Variants in PPP1R12A observed in about 807,000 individuals in gnomAD.
PPP1R12A encodes the protein protein phosphatase 1 regulatory subunit 12A.
A neutral mutation model predicts 139.6 loss-of-function variants in PPP1R12A; 19 were observed. The observed-to-expected ratio is 0.14, with a 90% confidence interval of 0.09 to 0.20. The LOEUF is 0.20. Ranked by LOEUF, PPP1R12A falls within the 10% of genes least tolerant of loss-of-function variation. The pLI, the probability that PPP1R12A is intolerant of heterozygous loss-of-function variation, is 1.00. For synonymous variants in PPP1R12A, 427 were observed against 420.6 expected, an observed-to-expected ratio of 1.02 and a Z score of -0.19; for missense variants, 925 against 1,211.5, an observed-to-expected ratio of 0.76 and a Z score of 3.51.
At position 79,797,189 on chromosome 12, in the gene PPP1R12A, T is replaced by C; in HGVS notation, c.2292+6A>G. 6.4e-7 allele frequency: 1 copy of C among 1,574,668 alleles called. No homozygotes were observed. The highest frequency in any genetic ancestry group is 8.6e-7 in the Non-Finnish European group (1 of 1,159,954). On this transcript the variant is annotated splice_donor_region_variant and intron_variant, in intron 16 of 24. Coordinates refer to ENST00000450142, the MANE Select transcript of PPP1R12A (RefSeq NM_002480.3). ...TGACTTAAATGTGCTTTTGATATAC[T>C]GTTACCTCATCATACGTTCTGGAGT...
chr12:79,802,275 CT>C (rs923489591), intron 14 of PPP1R12A, among the ~76,000 whole-genome samples: 54 of 152,164 alleles, frequency 3.5e-4, no homozygotes, highest in African/African-American at 1.3e-3. Context: ...TCCTCCACCC[CT>C]GACCCATTTT....
chr12:79,932,047 T>C (rs1347513171), intron 1 of PPP1R12A, among the ~76,000 whole-genome samples: 1 of 152,154 alleles, frequency 6.6e-6, no homozygotes, highest in East Asian at 1.9e-4. Context: ...TCCTAAAACT[T>C]TTCTCTTGAC....
intron 9 of PPP1R12A, among the ~76,000 whole-genome samples, chr12:79,812,391 C>CGTGTGTGTGTGTGTGT (rs1156924649): frequency 0.015 from 2,054 of 134,560 alleles, 71 homozygotes; most frequent in African/African-American, 0.047. Flanking sequence ...TCTGTGTGTG[C>CGTGTGTGTGTGTGTGT]GTGTGTGTGT....
chr12:79,876,302 G>T (rs187427614), intron 1 of PPP1R12A, among the ~76,000 whole-genome samples: 1 of 152,180 alleles, frequency 6.6e-6, no homozygotes, highest in African/African-American at 2.4e-5. Context: ...CAGAATGAGC[G>T]TTTACTGAGA....
rs1279658358 is a variant in PPP1R12A at position 79,832,482 on chromosome 12, A to G, written c.497T>C (p.Ile166Thr). ...QNEVNRQGVD[I>T]EAARKEEERI... ...TTCTTCTTCCTTTCGAGCTGCTTCTATATCAACCCCTGATAAAATAAAAAT... is the reference window on the plus strand; with the variant it reads ...TTCTTCTTCCTTTCGAGCTGCTTCTGTATCAACCCCTGATAAAATAAAAAT... The change falls in exon 4 of 25, where the codon ATA becomes ACA. Residue 166 changes from isoleucine (I) to threonine (T), a missense_variant. Ile to Thr is a moderately conservative substitution (Grantham distance 89). This residue lies in a region of PPP1R12A where 199 missense variants were observed against 352.4 expected (regional missense o/e 0.56). Transcript: ENST00000450142. 1.9e-6 allele frequency: 3 copies of G among 1,602,418 alleles called. No homozygotes were observed. Among genetic ancestry groups the G allele is most frequent in the Non-Finnish European group, 1.7e-6 (2 of 1,175,974 alleles).
chr12:79,874,172 G>T (rs1032415671), intron 1 of PPP1R12A, among the ~76,000 whole-genome samples: 2 of 151,850 alleles, frequency 1.3e-5, no homozygotes, highest in African/African-American at 4.8e-5. Context: ...TACTCGGGAG[G>T]CTGAGGCAGG....
intron 1 of PPP1R12A, among the ~76,000 whole-genome samples, chr12:79,932,288 T>G (rs1888311532): frequency 6.6e-6 from 1 of 152,210 alleles, no homozygotes; most frequent in Admixed American, 6.5e-5. Flanking sequence ...CTTGTGTGTG[T>G]GTGGTTTTTA....
intron 9 of PPP1R12A, 55 bp downstream of exon 9, chr12:79,817,339 C>G (rs1875535673): frequency 1.5e-5 from 23 of 1,522,696 alleles, no homozygotes; most frequent in Non-Finnish European, 2.0e-5. Flanking sequence ...TGAGTTAGTC[C>G]AAGTGGTACA....
At position 79,795,759 on chromosome 12, in the gene PPP1R12A, T is replaced by C. The variant is rs565642013; in HGVS notation, c.2462A>G (p.Glu821Gly). 2 of 1,609,706 alleles carry C rather than the reference T, an allele frequency of 1.2e-6. No homozygotes were observed. Among genetic ancestry groups the C allele is most frequent in the South Asian group, 2.2e-5 (2 of 90,840 alleles). The change falls in exon 18 of 25, where the codon GAG (glutamate) becomes GGG (glycine). Residue 821 changes from glutamate (E) to glycine (G), a missense_variant and splice_region_variant. Transcript: ENST00000450142. Reference sequence around the variant, plus strand: ...TTTCTCCTCTTCTCTTTTTTCTCCCTCTGTTAAGGATTGCAATGAACCACA... The same window carrying C: ...TTTCTCCTCTTCTCTTTTTTCTCCCCCTGTTAAGGATTGCAATGAACCACA... Reference protein sequence around the residue: ...SRGITKENEREGEKREEEKEG... With the variant: ...SRGITKENERGGEKREEEKEG...
chr12:79,905,336 G>GCCCCC (rs540480402), intron 1 of PPP1R12A, among the ~76,000 whole-genome samples: 1 of 47,040 alleles, frequency 2.1e-5, no homozygotes, highest in Admixed American at 3.5e-4. Context: ...GTTTTGTTTT[G>GCCCCC]CCGCCCCCCC....
chr12:79,867,270 A>T (rs1281160097), intron 2 of PPP1R12A, among the ~76,000 whole-genome samples: 1 of 152,014 alleles, frequency 6.6e-6, no homozygotes, highest in African/African-American at 2.4e-5. Flanking sequence ...ATTGAACAAT[A>T]AGAACACATG....
intron 23 of PPP1R12A, 68 bp from the exon 24 acceptor site, chr12:79,778,668 T>A: frequency 9.7e-7 from 1 of 1,028,480 alleles, no homozygotes; most frequent in Non-Finnish European, 1.4e-6. Context: ...TTCTATACTG[T>A]GAAATAGTGA....
chr12:79,781,298 T>C (rs1870421385), intron 23 of PPP1R12A, among the ~76,000 whole-genome samples: 1 of 152,160 alleles, frequency 6.6e-6, no homozygotes, highest in Non-Finnish European at 1.5e-5. Flanking sequence ...TTGTAATCTT[T>C]TTTTTGTTTA....
chr12:79,893,846 C>T (rs1884888742), intron 1 of PPP1R12A, among the ~76,000 whole-genome samples: 1 of 152,136 alleles, frequency 6.6e-6, no homozygotes, highest in African/African-American at 2.4e-5. Flanking sequence ...TCATATCCTT[C>T]AAGGCAAAAA....
intron 1 of PPP1R12A, among the ~76,000 whole-genome samples, chr12:79,916,526 T>C (rs1009119954): frequency 3.3e-5 from 5 of 152,204 alleles, no homozygotes; most frequent in African/African-American, 1.2e-4. Context: ...CCAAATTTTA[T>C]CCTTTAAAAC....
chr12:79,899,934 T>C (rs1885481380), intron 1 of PPP1R12A, among the ~76,000 whole-genome samples: 1 of 152,174 alleles, frequency 6.6e-6, no homozygotes, highest in Non-Finnish European at 1.5e-5. Flanking sequence ...TCCCCTTTTT[T>C]GAATACAATA....
chr12:79,796,221 A>G (rs1401214250), intron 17 of PPP1R12A, among the ~76,000 whole-genome samples: 1 of 152,166 alleles, frequency 6.6e-6, no homozygotes, highest in African/African-American at 2.4e-5. Flanking sequence ...TTTAGTACTT[A>G]TATCTGATTT....
At chr12:79,781,731 T>C (rs1235429750) in intron 23 of PPP1R12A, 84 bp downstream of exon 23, 8 of 771,630 alleles carry the variant, frequency 1.0e-5, no homozygotes, top group Admixed American at 3.1e-5. Context: ...TCATCCATAA[T>C]AACAAAATAA....
intron 23 of PPP1R12A, chr12:79,779,119 T>C (rs1333952594): frequency 8.5e-6 from 3 of 354,704 alleles, no homozygotes; most frequent in Non-Finnish European, 1.1e-5. Flanking sequence ...ACATTATGTG[T>C]AGCATTAATG....
Sources: allele counts gnomAD v4.1 joint callset (sites outside exome capture counted in the v4.1 genomes callset), GRCh38; gene constraint gnomAD v4.1.1; regional missense constraint gnomAD v4.1.1; transcripts MANE v1.5; gene names NCBI Gene and HGNC (gene_info 2026-07-23, HGNC 2026-07-21).